The following MED16 variants were observed in gnomAD, a reference collection of about 807,000 sequenced individuals.
MED16 encodes the protein mediator of RNA polymerase II transcription subunit 16.
MED16 carries 81 observed loss-of-function variants against 84.4 expected under a neutral mutation model. That is an observed-to-expected ratio of 0.96 (90% confidence interval 0.80 to 1.15). The LOEUF (loss-of-function observed/expected upper bound fraction) is 1.15. Among genes scored for constraint, MED16 ranks in the 50% most tolerant of loss-of-function variants. MED16 has a pLI of 0.00. For missense variants in MED16, 1,585 were observed against 1,245.9 expected, an observed-to-expected ratio of 1.27 and a Z score of -4.10; for synonymous variants, 897 against 552.2, an observed-to-expected ratio of 1.62 and a Z score of -8.76.
intron 8 of MED16, among the ~76,000 whole-genome samples, chr19:879,349 C>T (rs2036355024): frequency 6.7e-6 from 1 of 148,580 alleles, no homozygotes; most frequent in South Asian, 2.1e-4. Flanking sequence ...GCTCACCTTC[C>T]CCTGGTTGTC....
At chr19:882,043 C>T (rs558468070) in intron 6 of MED16, among the ~76,000 whole-genome samples, 2 of 152,368 alleles carry the variant, frequency 1.3e-5, no homozygotes, top group East Asian at 1.9e-4. Flanking sequence ...CCCTAACACT[C>T]GCTCGGCCTT....
chr19:872,838 T>C (rs1408182724), intron 11 of MED16: 2 of 501,736 alleles, frequency 4.0e-6, no homozygotes, highest in African/African-American at 2.2e-5. Flanking sequence ...GGGGTGGGGC[T>C]GAGAAGGAGC....
Position 889,695 on chromosome 19 carries a change from G to A in MED16, c.390C>T (p.Pro130=), listed in dbSNP as rs747151607. The A allele has an allele frequency of 6.2e-6, 10 of 1,613,766 alleles. No individual in the cohort carries two copies. The highest frequency in any genetic ancestry group is 1.6e-4 in the Middle Eastern group (1 of 6,082). The change falls in exon 4 of 16, where the codon CCC becomes CCT. Residue 130 remains proline (P), a synonymous_variant. Transcript: ENST00000325464. ...TGTGCAGCCAGGACAGGGCCACAAT[G>A]GGGTCCCCCTCCACTAGGCTGCCCA... ...SSVGSLVEGD[P]IVALSWLHNG... is the part of the protein sequence containing the mutation.
intron 13 of MED16, among the ~76,000 whole-genome samples, 185 bp from the exon 14 acceptor site, chr19:869,131 G>C (rs1158361668): frequency 6.6e-6 from 1 of 152,162 alleles, no homozygotes; most frequent in Non-Finnish European, 1.5e-5. Flanking sequence ...CCCAGTAAAG[G>C]GGGCGGGACC....
rs35695678 is a variant in MED16, at chr19:880,078, G to A, written c.1212C>T (p.Val404=). The change falls in exon 8 of 16, where the codon GTC becomes GTT. Residue 404 remains valine (V), a synonymous_variant. Coordinates refer to ENST00000325464, the MANE Select transcript of MED16 (RefSeq NM_005481.3). ...GCCTCGGGGCCGCGGAGCTGTAGAA[G>A]ACGGCCATGGTCTGCAGTGAGAGCC... ...VHRLSLQTMA[V]FYSSAAPRPV... 1.1e-5 allele frequency: 17 copies of A among 1,610,964 alleles called. No individual in the cohort carries two copies. The highest frequency in any genetic ancestry group is 1.4e-5 in the Non-Finnish European group (17 of 1,179,398).
Position 879,927 on chromosome 19 carries a change from A to T in MED16, c.1353+10T>A, listed in dbSNP as rs563147182. The T allele has an allele frequency of 3.8e-6, 6 of 1,590,378 alleles. No homozygotes were observed. Among genetic ancestry groups the T allele is most frequent in the Non-Finnish European group, 5.1e-6 (6 of 1,170,354 alleles). ...CACCAGCCCCGGCCCCACGTGCCCC[A>T]GCAGCTCACCTTCCCGTGGCTGTCA... On this transcript the variant is annotated intron_variant, in intron 8 of 15. Coordinates refer to ENST00000325464, the MANE Select transcript of MED16 (RefSeq NM_005481.3).
chr19:871,143 C>T lies in MED16; in HGVS notation c.2209G>A (p.Gly737Ser), dbSNP rs1020081574. The change falls in exon 13 of 16, where the codon GGC becomes AGC. Residue 737 changes from glycine (G) to serine (S), a missense_variant. Physicochemically the swap from Gly to Ser is moderately conservative, Grantham distance 56 (BLOSUM62 0). Transcript: ENST00000325464. The stretch of plus-strand genomic sequence containing the variant: ...TTGGGCTGCAGGCGGCTAACCAGGC[C>T]GTCGCTGGCTGGCAGCCAGTCCAGG... Reference protein sequence around the residue: ...PSLDWLPASDGLVSRLQPKQP... With the variant: ...PSLDWLPASDSLVSRLQPKQP... 7 of 1,548,156 alleles carry T rather than the reference C, an allele frequency of 4.5e-6. No homozygotes were observed. The highest frequency in any genetic ancestry group is 6.1e-6 in the Non-Finnish European group (7 of 1,145,654).
chr19:876,235 G>T (rs558439988), intron 9 of MED16, among the ~76,000 whole-genome samples: 2 of 152,132 alleles, frequency 1.3e-5, no homozygotes, highest in Non-Finnish European at 2.9e-5. Context: ...TGCCGGCTGA[G>T]CTCGTTAGAT....
chr19:877,418 G>A (rs367558987), intron 8 of MED16, among the ~76,000 whole-genome samples: 4 of 152,146 alleles, frequency 2.6e-5, no homozygotes, highest in Non-Finnish European at 4.4e-5. Context: ...TGGATGCCGA[G>A]CCAGGCTTAC....
rs369339727 is a variant in MED16, at chr19:889,647, G to A, written c.438C>T (p.His146=). 856 of 1,610,510 alleles carry A rather than the reference G, an allele frequency of 5.3e-4. 6 individuals carry two copies. In the South Asian group the frequency reaches 6.4e-3, roughly 12 times the overall value. Residue 146 remains histidine (H), a synonymous_variant, in exon 4 of 16, where the codon CAC becomes CAT. Coordinates refer to ENST00000325464, the MANE Select transcript of MED16 (RefSeq NM_005481.3). The stretch of plus-strand genomic sequence containing the variant: ...CGGGCAGGACACTCACCTTCTCCAC[G>A]TGCAGGGCCAGTTTCACACCATTGT... ...WLHNGVKLAL[H]VEKSGASSFG...
chr19:885,102 C>A, intron 5 of MED16, 94 bp from the exon 6 acceptor site: 1 of 905,740 alleles, frequency 1.1e-6, no homozygotes, highest in Admixed American at 2.2e-5. Context: ...GGGCCACGCA[C>A]TGCTGGGCCT....
At chr19:871,748 T>C in intron 12 of MED16, 178 bp downstream of exon 12, 1 of 588,136 alleles carries the variant, frequency 1.7e-6, no homozygotes, top group Non-Finnish European at 2.7e-6. Context: ...GGACTTGTGT[T>C]TTGGTAGGGA....
At position 892,933 on chromosome 19, in the gene MED16, CCCGCG is replaced by C. The variant is rs1232609665; in HGVS notation, c.-19+148_-19+152del. On this transcript the variant is annotated intron_variant, in intron 1 of 15. Coordinates refer to ENST00000325464, the MANE Select transcript of MED16 (RefSeq NM_005481.3). Reference sequence around the variant, plus strand: ...GCGCCCCGCGCCCCGCGCCCCGCGCCCCGCGCCCCAGGCCGCCTACCCAGCAGCCT... The same window carrying C: ...GCGCCCCGCGCCCCGCGCCCCGCGCCCCCCAGGCCGCCTACCCAGCAGCCT... 3.4e-5 allele frequency: 5 copies of C among 148,646 alleles called. No homozygotes were observed. In the East Asian group the frequency reaches 5.9e-4, roughly 17 times the overall value. 9.2% of individuals were successfully genotyped at this position (148,646 alleles called of 1,614,324 possible).
chr19:869,304 G>C (rs2035991756), intron 13 of MED16, among the ~76,000 whole-genome samples: 1 of 152,088 alleles, frequency 6.6e-6, no homozygotes, highest in Admixed American at 6.5e-5. Flanking sequence ...TTTGAGGCTG[G>C]ACAGAAGCAG....
rs1408206560 is a variant in MED16, at chr19:890,943, C to T, written c.169+20G>A. ...GACACCATGCGGCCGGGAGGGGAAG[C>T]AGGTGGGAGGGGGACGCACCCTGGT... On this transcript the variant is annotated intron_variant, in intron 2 of 15. Transcript: ENST00000325464. The T allele has an allele frequency of 3.1e-6, 5 of 1,607,668 alleles. No individual in the cohort carries two copies. Among genetic ancestry groups the T allele is most frequent in the East Asian group, 2.2e-5 (1 of 44,628 alleles).
rs368424152 is a variant in MED16, at chr19:871,187, C to G, written c.2165G>C (p.Ser722Thr). Residue 722 changes from serine to threonine, a missense_variant, in exon 13 of 16, where the codon AGC (serine) becomes ACC (threonine). Physicochemically the swap from Ser to Thr is moderately conservative, Grantham distance 58 (BLOSUM62 1). Transcript: ENST00000325464. ...GTCCAGGCTGGGGATAAGCAGCTGG[C>G]TGGGCAGCAGGCAGCATTCATCCAC... ...ALVDECCLLP[S>T]QLLIPSLDWL... 2.7e-4 allele frequency: 417 copies of G among 1,549,968 alleles called. 1 individual carries two copies. Among genetic ancestry groups the G allele is most frequent in the Non-Finnish European group, 3.4e-4 (393 of 1,146,762 alleles).
intron 15 of MED16, 47 bp downstream of exon 15, chr19:868,369 G>A (rs2035966285): frequency 1.2e-6 from 2 of 1,602,060 alleles, no homozygotes; most frequent in South Asian, 1.1e-5. Flanking sequence ...AGGGGCAGCT[G>A]GGCTCAGGGG....
chr19:879,963 G>T lies in MED16; in HGVS notation c.1327C>A (p.Leu443Met). 1 of 1,605,258 alleles carries T rather than the reference G, an allele frequency of 6.2e-7. No homozygotes were observed. The highest frequency in any genetic ancestry group is 1.3e-5 in the African/African-American group (1 of 74,776). Reference protein sequence around the residue: ...AMQLSWTSLALVGIDSHGKLS... With the variant: ...AMQLSWTSLAMVGIDSHGKLS... ...TTCCCGTGGCTGTCAATCCCCACCAGGGCCAGTGACGTCCACGATAGCTGC... is the reference window on the plus strand; with the variant it reads ...TTCCCGTGGCTGTCAATCCCCACCATGGCCAGTGACGTCCACGATAGCTGC... The change falls in exon 8 of 16, where the codon CTG becomes ATG. Residue 443 changes from leucine (L) to methionine (M), a missense_variant. Coordinates refer to ENST00000325464, the MANE Select transcript of MED16 (RefSeq NM_005481.3).
rs1302962147 is a variant in MED16 at position 875,357 on chromosome 19, AG to A, written c.1657del (p.Leu553SerfsTer8). 6.2e-7 allele frequency: 1 copy of A among 1,610,228 alleles called. No homozygotes were observed. The highest frequency in any genetic ancestry group is 1.7e-5 in the Admixed American group (1 of 60,000). On this transcript the variant is annotated frameshift_variant, in exon 10 of 16. Coordinates refer to ENST00000325464, the MANE Select transcript of MED16 (RefSeq NM_005481.3). LOFTEE classifies it high-confidence loss of function. The stretch of plus-strand genomic sequence containing the variant: ...CTTCAGGGTGGAGCTGATGGCGATG[AG>A]GAAGAGCTTGGTGTGGTAGTCGCAC... ...RVCDYHTKLF[L>X]IAISSTLKSL...
Sources: gnomAD v4.1 joint callset for allele counts (sites outside exome capture counted in the v4.1 genomes callset) on GRCh38, gnomAD v4.1.1 for gene constraint, MANE v1.5 for transcripts, NCBI Gene and HGNC (gene_info 2026-07-23, HGNC 2026-07-21) for gene names.